The following DLGAP2 variants were observed in gnomAD, a reference collection of about 807,000 sequenced individuals.
DLGAP2 encodes the protein disks large-associated protein 2.
Under a neutral mutation model 100.3 loss-of-function variants are expected in DLGAP2, and 26 were observed. That is an observed-to-expected ratio of 0.26 (90% CI 0.19 to 0.36). DLGAP2 has a LOEUF of 0.36. DLGAP2 is among the 10% of genes least tolerant of loss of function. The pLI is 1.00. For missense variants in DLGAP2, 1,858 were observed against 1,453.2 expected (o/e 1.28, Z -4.53); for synonymous variants, 886 against 630.1 (o/e 1.41, Z -6.08).
At chr8:1,012,567 A>G (rs1211646374) in intron 2 of DLGAP2, among the ~76,000 whole-genome samples, 1 of 98,346 alleles carries the variant, frequency 1.0e-5, no homozygotes, top group Admixed American at 1.4e-4. Context: ...ACACCGTCCA[A>G]CCAGCCCCCC....
At chr8:1,194,592 C>G (rs1276108031) in intron 2 of DLGAP2, among the ~76,000 whole-genome samples, 2 of 152,178 alleles carry the variant, frequency 1.3e-5, no homozygotes. Context: ...AGCACCCACG[C>G]CTGCCTGTTC....
intron 4 of DLGAP2, among the ~76,000 whole-genome samples, chr8:1,517,960 G>A (rs570592834): frequency 6.6e-6 from 1 of 152,306 alleles, no homozygotes; most frequent in African/African-American, 2.4e-5. Context: ...AGTGCTCATC[G>A]TCAGTAACAC....
At chr8:1,295,350 G>A (rs755348049) in intron 3 of DLGAP2, among the ~76,000 whole-genome samples, 21 of 152,344 alleles carry the variant, frequency 1.4e-4, no homozygotes, top group East Asian at 7.7e-4. Flanking sequence ...CCGTGGGCCC[G>A]GAGTCCCAGC....
At chr8:1,013,592 A>G (rs6998187) in intron 2 of DLGAP2, among the ~76,000 whole-genome samples, 4,914 of 145,542 alleles carry the variant, frequency 0.034, 309 homozygotes, top group African/African-American at 0.13. Context: ...GCAAACGGAC[A>G]GACGGCGCCT....
chr8:1,113,122 A>T (rs1326778292), intron 2 of DLGAP2, among the ~76,000 whole-genome samples: 1 of 152,186 alleles, frequency 6.6e-6, no homozygotes, highest in Non-Finnish European at 1.5e-5. Context: ...GTATCATTCA[A>T]AGTTGGATAA....
At chr8:763,573 C>A (rs867421660) in intron 1 of DLGAP2, among the ~76,000 whole-genome samples, 1 of 152,150 alleles carries the variant, frequency 6.6e-6, no homozygotes, top group African/African-American at 2.4e-5. Context: ...GTTGGAGTGA[C>A]AATTTATGAT....
Position 1,066,217 on chromosome 8 carries a change from A to G in DLGAP2, c.73+158251A>G, listed in dbSNP as rs372509104. Among the ~76,000 whole-genome samples the G allele has an allele frequency of 6.7e-5, 10 of 149,256 alleles. No individual in the cohort carries two copies. The East Asian group carries it at 8.0e-4, about 12-fold the overall frequency. Reference sequence around the variant, plus strand: ...GTCTGAGTGAGGACAGTTCTCCACCATGGTCAGGTCTGAGCGAGGGCAGCT... The same window carrying G: ...GTCTGAGTGAGGACAGTTCTCCACCGTGGTCAGGTCTGAGCGAGGGCAGCT... On this transcript the variant is annotated intron_variant, in intron 2 of 14. Transcript: ENST00000637795.
Position 1,548,763 on chromosome 8 carries a change from C to G in DLGAP2, c.310C>G (p.Pro104Ala). The G allele has an allele frequency of 1.2e-6, 2 of 1,600,572 alleles. No homozygotes were observed. Among genetic ancestry groups the G allele is most frequent in the South Asian group, 1.1e-5 (1 of 89,244 alleles). The change falls in exon 5 of 15, where the codon CCG becomes GCG. Residue 104 changes from proline (P) to alanine (A), a missense_variant. Transcript: ENST00000637795. ...CGGGCACACGTGTGGTCTGGCGCCC[C>G]CGGAGGACTGCGAGCACCTGCACCA... ...CSGHTCGLAP[P>A]EDCEHLHHGP...
chr8:1,637,382 A>G (rs1394965500), intron 8 of DLGAP2, among the ~76,000 whole-genome samples: 1 of 152,092 alleles, frequency 6.6e-6, no homozygotes, highest in African/African-American at 2.4e-5. Flanking sequence ...TCACTCTGAC[A>G]CAAGGGCTTT....
Position 1,241,510 on chromosome 8 carries a change from C to T in DLGAP2, c.74-17341C>T, listed in dbSNP as rs73529849. On this transcript the variant is annotated intron_variant, in intron 2 of 14. Transcript: ENST00000637795. ...CTGCAGTTACTCTCGGAGGCCTATA[C>T]GGGTAGTAGCCCTACAGAGGAAGCA... Among the ~76,000 whole-genome samples the T allele has an allele frequency of 8.3e-3, 1,264 of 152,328 alleles. 15 individuals are homozygous for T. Among genetic ancestry groups the T allele is most frequent in the African/African-American group, 0.029 (1,200 of 41,566 alleles).
chr8:1,167,385 A>T (rs62487545), intron 2 of DLGAP2, among the ~76,000 whole-genome samples: 28,454 of 152,106 alleles, frequency 0.19, 2,859 homozygotes, highest in Middle Eastern at 0.34. Context: ...AAGCAGGAAG[A>T]AAAAGGCAGA....
At chr8:1,174,424 C>T (rs552881324) in intron 2 of DLGAP2, among the ~76,000 whole-genome samples, 50 of 151,750 alleles carry the variant, frequency 3.3e-4, no homozygotes, top group Admixed American at 2.4e-3. Context: ...TTATCATTAC[C>T]ATTACCACCA....
At chr8:988,481 C>T (rs1800551380) in intron 2 of DLGAP2, among the ~76,000 whole-genome samples, 1 of 152,188 alleles carries the variant, frequency 6.6e-6, no homozygotes, top group African/African-American at 2.4e-5. Flanking sequence ...GTGGCGTCTT[C>T]TTTTTAATTT....
intron 2 of DLGAP2, among the ~76,000 whole-genome samples, chr8:933,011 C>T (rs539584274): frequency 1.3e-5 from 2 of 152,248 alleles, no homozygotes; most frequent in African/African-American, 4.8e-5. Context: ...TTCTTTCCTG[C>T]AAGAATATGT....
rs1801686439 is a variant in DLGAP2, at chr8:1,549,513, T to C, written c.1060T>C (p.Cys354Arg). 1.2e-6 allele frequency: 2 copies of C among 1,613,134 alleles called. No individual in the cohort carries two copies. The highest frequency in any genetic ancestry group is 1.7e-6 in the Non-Finnish European group (2 of 1,179,788). The change falls in exon 5 of 15, where the codon TGT becomes CGT. Residue 354 changes from cysteine to arginine, a missense_variant. Coordinates refer to ENST00000637795, the MANE Select transcript of DLGAP2 (RefSeq NM_001346810.2). ...KSNNDVKCSA[C>R]EGLALTPDAK... is the part of the protein sequence containing the mutation. Reference sequence around the variant, plus strand: ...CAACAACGACGTCAAGTGCTCGGCCTGTGAGGGGTTGGCGCTGACGCCCGA... The same window carrying C: ...CAACAACGACGTCAAGTGCTCGGCCCGTGAGGGGTTGGCGCTGACGCCCGA...
At chr8:1,345,919 C>T (rs1801544198) in intron 3 of DLGAP2, among the ~76,000 whole-genome samples, 1 of 152,170 alleles carries the variant, frequency 6.6e-6, no homozygotes, top group Non-Finnish European at 1.5e-5. Flanking sequence ...GAAGTGACTC[C>T]AGGCAGGAAA....
chr8:834,271 C>T (rs1236931102), intron 1 of DLGAP2, among the ~76,000 whole-genome samples: 1 of 152,200 alleles, frequency 6.6e-6, no homozygotes, highest in Non-Finnish European at 1.5e-5. Flanking sequence ...TCACGTGGGG[C>T]AGAGCCAGTC....
chr8:1,336,821 A>G (rs924835524), intron 3 of DLGAP2, among the ~76,000 whole-genome samples: 1 of 148,598 alleles, frequency 6.7e-6, no homozygotes, highest in African/African-American at 2.4e-5. Context: ...TAATACATAC[A>G]CACATTTTTC....
chr8:852,449 C>T (rs992068178), intron 1 of DLGAP2, among the ~76,000 whole-genome samples: 10 of 152,088 alleles, frequency 6.6e-5, no homozygotes, highest in East Asian at 3.9e-4. Context: ...TTCTTTTGTC[C>T]GTCTTTTATC....
Sources: allele counts gnomAD v4.1 joint callset (sites outside exome capture counted in the v4.1 genomes callset), GRCh38; gene constraint gnomAD v4.1.1; transcripts MANE v1.5; gene names NCBI Gene and HGNC (gene_info 2026-07-23, HGNC 2026-07-21).